The following SCTR variants were observed in gnomAD, a reference collection of about 807,000 sequenced individuals.
SCTR encodes the protein secretin receptor.
Under a neutral mutation model 60.8 loss-of-function variants are expected in SCTR, and 56 were observed. The observed-to-expected ratio is 0.92, with a 90% confidence interval of 0.74 to 1.15. The LOEUF (loss-of-function observed/expected upper bound fraction) is 1.15, where lower values mean the gene tolerates loss of function less well. Ranked by LOEUF, SCTR falls within the 50% of genes most tolerant of loss-of-function variation. The pLI, the probability that SCTR is intolerant of heterozygous loss-of-function variation, is 0.00. For synonymous variants in SCTR, 202 were observed against 217.0 expected (o/e 0.93, Z 0.61); for missense variants, 562 against 550.4 (o/e 1.02, Z -0.21).
At chr2:119,448,376 T>C (rs1683012660) in intron 10 of SCTR, among the ~76,000 whole-genome samples, 1 of 152,212 alleles carries the variant, frequency 6.6e-6, no homozygotes, top group South Asian at 2.1e-4. Flanking sequence ...ACACATACTG[T>C]ACCTACACAC....
At chr2:119,520,596 G>A (rs543831376) in intron 1 of SCTR, among the ~76,000 whole-genome samples, 6 of 152,244 alleles carry the variant, frequency 3.9e-5, no homozygotes, top group African/African-American at 9.6e-5. Flanking sequence ...ACAGGGCAGC[G>A]ACCACCATGT....
chr2:119,457,447 C>T (rs74419081), intron 7 of SCTR, among the ~76,000 whole-genome samples: 3,659 of 152,248 alleles, frequency 0.024, 146 homozygotes, highest in African/African-American at 0.084. Context: ...CGCAATGGCT[C>T]ACAACTATAA....
intron 7 of SCTR, among the ~76,000 whole-genome samples, chr2:119,458,264 C>A (rs1262303407): frequency 1.3e-5 from 2 of 148,534 alleles, no homozygotes; most frequent in African/African-American, 2.5e-5. Context: ...CAAGATTGAA[C>A]AGTTGCACTC....
At chr2:119,497,621 A>AAGGC (rs3055005) in intron 1 of SCTR, among the ~76,000 whole-genome samples, 16 of 151,784 alleles carry the variant, frequency 1.1e-4, no homozygotes, top group Admixed American at 3.3e-4. Context: ...GGAAGGCAGG[A>AAGGC]AGGCAGGCAG....
chr2:119,513,687 G>C (rs368451445), intron 1 of SCTR, among the ~76,000 whole-genome samples: 5 of 151,868 alleles, frequency 3.3e-5, no homozygotes, highest in African/African-American at 1.2e-4. Context: ...TTTTCTTGTT[G>C]ATCACAAAAT....
In SCTR at chr2:119,444,277, A is replaced by ATATATACG. The variant is rs1682787971; in HGVS notation, c.1140+2481_1140+2482insCGTATATA. ...TACATATGAATATATACATATATACATATGAATATATACACATATATACGT... is the reference window on the plus strand; with the variant it reads ...TACATATGAATATATACATATATACATATATACGTATGAATATATACACATATATACGT... On this transcript the variant is annotated intron_variant, in intron 11 of 12. Coordinates refer to ENST00000019103, the MANE Select transcript of SCTR (RefSeq NM_002980.3). Among the ~76,000 whole-genome samples the ATATATACG allele has an allele frequency of 2.4e-4, 18 of 75,962 alleles. 1 individual carries two copies. The highest frequency in any genetic ancestry group is 1.1e-3 in the African/African-American group (17 of 15,532). 49.8% of individuals were successfully genotyped at this position (75,962 alleles called of 152,430 possible). A position where few individuals can be genotyped will look rare whatever the true frequency, so the allele number is the denominator to read the frequency against.
Position 119,441,503 on chromosome 2 carries a change from G to A in SCTR, c.1182+55C>T, listed in dbSNP as rs541989312. ...CCTCCCAGGTAGCTCCTTCTGACCC[G>A]GAAACCAATGGCTAGGAGCTCTCCT... is the stretch of plus-strand genomic sequence containing the variant. On this transcript the variant is annotated intron_variant, in intron 12 of 12. Transcript: ENST00000019103. 5.0e-4 allele frequency: 737 copies of A among 1,474,030 alleles called. 9 individuals carry two copies. In the South Asian group the frequency reaches 7.4e-3, roughly 15 times the overall value. The allele number at this position is 1,474,030 out of a possible 1,614,324, so 91.3% of individuals were successfully genotyped here. A position where few individuals can be genotyped will look rare whatever the true frequency, so the allele number is the denominator to read the frequency against.
chr2:119,450,073 A>C (rs971398794), intron 9 of SCTR, among the ~76,000 whole-genome samples: 25 of 148,402 alleles, frequency 1.7e-4, no homozygotes, highest in Non-Finnish European at 3.7e-4. Flanking sequence ...AGAAAGAAAG[A>C]AAGAAAAATA....
intron 1 of SCTR, among the ~76,000 whole-genome samples, chr2:119,499,531 A>G (rs947209624): frequency 1.3e-5 from 2 of 152,124 alleles, no homozygotes; most frequent in Middle Eastern, 3.2e-3. Context: ...TCTGACCACA[A>G]TGAAAACAAA....
chr2:119,440,086 C>T lies in SCTR; in HGVS notation c.*31G>A, dbSNP rs1682597191. On this transcript the variant is annotated 3_prime_UTR_variant, in exon 13 of 13. Coordinates refer to ENST00000019103, the MANE Select transcript of SCTR (RefSeq NM_002980.3). ...CAGCCTTCGCAGGACCTCTCTTGGTCTCTGTCCGTGGGTGACCCTGCTCCA... is the reference window on the plus strand; with the variant it reads ...CAGCCTTCGCAGGACCTCTCTTGGTTTCTGTCCGTGGGTGACCCTGCTCCA... 1 of 1,603,764 alleles carries T rather than the reference C, an allele frequency of 6.2e-7. No individual in the cohort carries two copies. Among genetic ancestry groups the T allele is most frequent in the Admixed American group, 1.7e-5 (1 of 59,556 alleles).
chr2:119,467,438 G>A (rs866637485), intron 4 of SCTR, among the ~76,000 whole-genome samples: 1 of 151,482 alleles, frequency 6.6e-6, no homozygotes, highest in African/African-American at 2.4e-5. Flanking sequence ...AAAGAATCAA[G>A]GGAATAAAAA....
intron 1 of SCTR, among the ~76,000 whole-genome samples, chr2:119,497,006 T>C (rs1202148230): frequency 3.3e-5 from 5 of 152,180 alleles, no homozygotes; most frequent in African/African-American, 9.7e-5. Flanking sequence ...CCCTGCTGTG[T>C]GGTAATGAAG....
intron 6 of SCTR, among the ~76,000 whole-genome samples, chr2:119,463,385 G>C (rs1035757452): frequency 2.6e-5 from 4 of 152,146 alleles, no homozygotes; most frequent in African/African-American, 9.7e-5. Flanking sequence ...CTGGAACACA[G>C]ACAGGAGGCC....
At chr2:119,506,370 C>T (rs767925597) in intron 1 of SCTR, among the ~76,000 whole-genome samples, 6 of 152,052 alleles carry the variant, frequency 3.9e-5, no homozygotes, top group Non-Finnish European at 5.9e-5. Context: ...AGACGAATCG[C>T]CAGAGAAATA....
At chr2:119,445,438 G>T (rs1218512110) in intron 11 of SCTR, among the ~76,000 whole-genome samples, 1 of 152,162 alleles carries the variant, frequency 6.6e-6, no homozygotes, top group Non-Finnish European at 1.5e-5. Context: ...TTAGGGGAGG[G>T]TGTGGTCTGA....
intron 4 of SCTR, among the ~76,000 whole-genome samples, chr2:119,469,753 A>G (rs1056462679): frequency 2.0e-5 from 3 of 151,716 alleles, no homozygotes; most frequent in African/African-American, 7.2e-5. Context: ...CCAGCCTCCC[A>G]AAGTGCTGAG....
chr2:119,451,989 A>T (rs747326645), intron 9 of SCTR, 21 bp downstream of exon 9: 1 of 1,488,166 alleles, frequency 6.7e-7, no homozygotes, highest in Non-Finnish European at 9.4e-7. Flanking sequence ...ATCCCCAGCT[A>T]GGGAGAGGAG....
At chr2:119,457,351 A>G (rs2104787620) in intron 7 of SCTR, among the ~76,000 whole-genome samples, 1 of 152,348 alleles carries the variant, frequency 6.6e-6, no homozygotes, top group South Asian at 2.1e-4. Context: ...TAATGTATAC[A>G]CTGAATCTGA....
intron 1 of SCTR, among the ~76,000 whole-genome samples, chr2:119,496,860 C>A (rs72834824): frequency 0.019 from 2,820 of 152,170 alleles, 37 homozygotes; most frequent in South Asian, 0.053. Context: ...GTAGGGAGTC[C>A]GGACCCCCAC....
Sources: allele counts gnomAD v4.1 joint callset (sites outside exome capture counted in the v4.1 genomes callset), GRCh38; gene constraint gnomAD v4.1.1; transcripts MANE v1.5; gene names NCBI Gene and HGNC (gene_info 2026-07-23, HGNC 2026-07-21).